The following TTLL11 variants were observed in gnomAD, a reference collection of about 807,000 sequenced individuals.
The protein encoded by TTLL11 is tubulin polyglutamylase TTLL11.
TTLL11 carries 42 observed loss-of-function variants against 51.7 expected under a neutral mutation model. The observed-to-expected ratio is 0.81, with a 90% CI of 0.64 to 1.05. The LOEUF (loss-of-function observed/expected upper bound fraction) is 1.05, where lower values mean the gene tolerates loss of function less well. Ranked by LOEUF, TTLL11 falls within the 50% of genes least tolerant of loss-of-function variation. TTLL11 has a pLI of 0.00. For synonymous variants in TTLL11, 381 were observed against 383.5 expected, an observed-to-expected ratio of 0.99 and a Z score of 0.08; for missense variants, 799 against 940.4, an observed-to-expected ratio of 0.85 and a Z score of 1.97.
At chr9:122,069,660 G>A (rs1202274388) in intron 1 of TTLL11, among the ~76,000 whole-genome samples, 2 of 152,028 alleles carry the variant, frequency 1.3e-5, no homozygotes, top group Non-Finnish European at 2.9e-5. Flanking sequence ...CAGCCTGGGC[G>A]ACAGAGTGAG....
intron 8 of TTLL11, among the ~76,000 whole-genome samples, chr9:121,840,221 G>T (rs1588061119): frequency 1.3e-5 from 2 of 152,232 alleles, no homozygotes; most frequent in South Asian, 4.1e-4. Flanking sequence ...TAGGGCAACC[G>T]CAAGAGAAGA....
At chr9:121,945,493 C>T (rs368043632) in intron 6 of TTLL11, among the ~76,000 whole-genome samples, 53 of 152,202 alleles carry the variant, frequency 3.5e-4, no homozygotes, top group African/African-American at 1.2e-3. Flanking sequence ...CTGAGCATGC[C>T]TCTGCCATTC....
chr9:121,922,058 AGCT>A (rs967663801), intron 6 of TTLL11, among the ~76,000 whole-genome samples: 5 of 152,044 alleles, frequency 3.3e-5, no homozygotes, highest in African/African-American at 4.8e-5. Flanking sequence ...TCTAACTGCC[AGCT>A]GCTGCTGCTG....
chr9:121,917,350 T>C (rs962248666), intron 6 of TTLL11, among the ~76,000 whole-genome samples: 4 of 151,856 alleles, frequency 2.6e-5, no homozygotes, highest in Non-Finnish European at 5.9e-5. Flanking sequence ...CATACCTGTA[T>C]TCCTAATTAC....
chr9:121,842,151 G>A (rs935544161), intron 8 of TTLL11, among the ~76,000 whole-genome samples: 1 of 152,148 alleles, frequency 6.6e-6, no homozygotes, highest in Admixed American at 6.5e-5. Flanking sequence ...GAAAGTCAAT[G>A]GACAGTCGGT....
chr9:121,936,408 G>A (rs147912873), intron 6 of TTLL11, among the ~76,000 whole-genome samples: 266 of 152,142 alleles, frequency 1.7e-3, no homozygotes, highest in African/African-American at 6.1e-3. Flanking sequence ...GGGATTATAG[G>A]CATGAGCCAC....
chr9:121,889,828 A>G (rs1839153270), intron 6 of TTLL11, among the ~76,000 whole-genome samples: 1 of 137,958 alleles, frequency 7.2e-6, no homozygotes, highest in African/African-American at 2.7e-5. Flanking sequence ...TGAAATCAGG[A>G]GGCGGAGGTT....
chr9:121,927,386 C>T (rs954835103), intron 6 of TTLL11, among the ~76,000 whole-genome samples: 5 of 152,220 alleles, frequency 3.3e-5, no homozygotes, highest in African/African-American at 1.2e-4. Flanking sequence ...ATTTGATCTT[C>T]ATGGTTACTA....
rs573976729 is a variant in TTLL11, at chr9:122,039,252, T to C, written c.559+20A>G. ...TTGGCCCTAGAAACATGTTTAAATG[T>C]CAACAATAACAGCAGATACCTGGAA... is the stretch of plus-strand genomic sequence containing the variant. On this transcript the variant is annotated intron_variant, in intron 2 of 8. Transcript: ENST00000321582. The C allele has an allele frequency of 3.1e-6, 5 of 1,604,272 alleles. No homozygotes were observed. The Admixed American group carries it at 6.7e-5, about 21-fold the overall frequency.
chr9:122,006,567 C>G (rs1044729701), intron 3 of TTLL11, among the ~76,000 whole-genome samples: 1 of 152,140 alleles, frequency 6.6e-6, no homozygotes. Flanking sequence ...CAAATATTGT[C>G]TCACTTTTCT....
At chr9:122,058,817 A>C (rs953140707) in intron 1 of TTLL11, among the ~76,000 whole-genome samples, 3 of 152,118 alleles carry the variant, frequency 2.0e-5, no homozygotes, top group African/African-American at 7.3e-5. Flanking sequence ...AATACCTTTT[A>C]ATTTACTTAA....
At chr9:121,862,009 T>A (rs1482216952) in intron 7 of TTLL11, among the ~76,000 whole-genome samples, 1 of 152,152 alleles carries the variant, frequency 6.6e-6, no homozygotes, top group Admixed American at 6.5e-5. Flanking sequence ...GGGAGTCACC[T>A]GGAATTGACA....
chr9:121,899,364 T>A (rs1839662090), intron 6 of TTLL11, among the ~76,000 whole-genome samples: 1 of 86,746 alleles, frequency 1.2e-5, no homozygotes. Flanking sequence ...TATGTGTGTG[T>A]GTATATATAT....
At chr9:122,076,436 C>T (rs1845860913) in intron 1 of TTLL11, among the ~76,000 whole-genome samples, 1 of 152,166 alleles carries the variant, frequency 6.6e-6, no homozygotes, top group African/African-American at 2.4e-5. Flanking sequence ...AAACTGGAAG[C>T]AAACCTTCTG....
At position 121,912,663 on chromosome 9, in the gene TTLL11, G is replaced by C. The variant is rs539317840; in HGVS notation, c.1482-41915C>G. ...TGGATCTGGGAGCATCTTGAGAGTG[G>C]AGGCTGTCTTTTGTGACATTCTAGA... On this transcript the variant is annotated intron_variant, in intron 6 of 8. Coordinates refer to ENST00000321582, the MANE Select transcript of TTLL11 (RefSeq NM_001139442.2). Among the ~76,000 whole-genome samples, 12 of 152,164 alleles carry C rather than the reference G, an allele frequency of 7.9e-5. No individual in the cohort carries two copies. In the South Asian group the frequency reaches 2.5e-3, roughly 32 times the overall value.
At chr9:122,006,075 CACGCCTGTA>C (rs1843633740) in intron 3 of TTLL11, among the ~76,000 whole-genome samples, 1 of 152,248 alleles carries the variant, frequency 6.6e-6, no homozygotes, top group Non-Finnish European at 1.5e-5. Flanking sequence ...CACAGCGGCT[CACGCCTGTA>C]ATCCCAGCAC....
chr9:121,880,630 C>T lies in TTLL11; in HGVS notation c.1482-9882G>A, dbSNP rs182152033. Among the ~76,000 whole-genome samples, 7 of 152,302 alleles carry T rather than the reference C, an allele frequency of 4.6e-5. No individual in the cohort carries two copies. The East Asian group carries it at 1.3e-3, about 29-fold the overall frequency. On this transcript the variant is annotated intron_variant, in intron 6 of 8. Transcript: ENST00000321582. ...ATTTGCATAACTGTCTGCTTAATGCCTATTTCTTTTCTAGACGGAAAGTTC... is the reference window on the plus strand; with the variant it reads ...ATTTGCATAACTGTCTGCTTAATGCTTATTTCTTTTCTAGACGGAAAGTTC...
intron 1 of TTLL11, among the ~76,000 whole-genome samples, chr9:122,084,002 G>C (rs1846059798): frequency 6.6e-6 from 1 of 152,260 alleles, no homozygotes; most frequent in South Asian, 2.1e-4. Context: ...TTGGAACGAA[G>C]TTATTTATAC....
chr9:121,897,923 C>CTTTTTTTTTTTTTTTT (rs113818323), intron 6 of TTLL11, among the ~76,000 whole-genome samples: 1 of 143,142 alleles, frequency 7.0e-6, no homozygotes, highest in African/African-American at 2.6e-5. Flanking sequence ...TTCTTCTATT[C>CTTTTTTTTTTTTTTTT]TTTTTTTTTT....
Sources: allele counts gnomAD v4.1 joint callset (sites outside exome capture counted in the v4.1 genomes callset), GRCh38; gene constraint gnomAD v4.1.1; transcripts MANE v1.5; gene names NCBI Gene and HGNC (gene_info 2026-07-23, HGNC 2026-07-21).